The following ERC2 variants were observed in gnomAD, a reference collection of about 807,000 sequenced individuals.
ERC2 encodes the protein ERC protein 2.
ERC2 carries 42 observed loss-of-function variants against 114.8 expected under a neutral mutation model. The ratio of observed to expected loss-of-function variants is 0.37; its 90% CI spans 0.29 to 0.47. The LOEUF (loss-of-function observed/expected upper bound fraction) is 0.47, where lower values mean the gene tolerates loss of function less well. Among genes scored for constraint, ERC2 ranks in the 20% least tolerant of loss-of-function variants. The pLI is 0.99. For missense variants in ERC2, 939 were observed against 1,150.7 expected (o/e 0.82, Z 2.66); for synonymous variants, 454 against 425.5 (o/e 1.07, Z -0.82).
chr3:56,393,379 A>G (rs1000480990), intron 2 of ERC2, among the ~76,000 whole-genome samples: 1 of 152,214 alleles, frequency 6.6e-6, no homozygotes, highest in Non-Finnish European at 1.5e-5. Flanking sequence ...CCTGGGCAAC[A>G]GAGAGAGACT....
intron 3 of ERC2, among the ~76,000 whole-genome samples, chr3:56,292,975 T>C (rs1398394708): frequency 6.6e-6 from 1 of 152,234 alleles, no homozygotes; most frequent in Non-Finnish European, 1.5e-5. Context: ...AATTGTCATC[T>C]ATTTTCCCCC....
At chr3:56,450,614 G>A (rs1049427285) in intron 1 of ERC2, among the ~76,000 whole-genome samples, 3 of 152,094 alleles carry the variant, frequency 2.0e-5, no homozygotes, top group Non-Finnish European at 2.9e-5. Context: ...ATCACTTCAG[G>A]CCAGGAGTTT....
chr3:55,638,583 CAA>C (rs1211739041), intron 17 of ERC2, among the ~76,000 whole-genome samples: 1 of 152,122 alleles, frequency 6.6e-6, no homozygotes, highest in Non-Finnish European at 1.5e-5. Context: ...AGAGATTCCC[CAA>C]AGAGTCACGT....
chr3:56,449,920 G>A (rs2062755431), intron 1 of ERC2, among the ~76,000 whole-genome samples: 1 of 152,162 alleles, frequency 6.6e-6, no homozygotes, highest in Non-Finnish European at 1.5e-5. Flanking sequence ...CAGACACTTT[G>A]GAGTCAAACT....
intron 14 of ERC2, among the ~76,000 whole-genome samples, chr3:55,843,408 A>G (rs1316206153): frequency 6.6e-6 from 1 of 152,214 alleles, no homozygotes; most frequent in Non-Finnish European, 1.5e-5. Context: ...ACATCAGATC[A>G]TATGAGACTG....
chr3:55,583,504 C>A (rs2057404562), intron 17 of ERC2, among the ~76,000 whole-genome samples: 1 of 45,366 alleles, frequency 2.2e-5, no homozygotes, highest in South Asian at 1.6e-3. Flanking sequence ...TCCTTCCCTC[C>A]CTCCCTCCCT....
chr3:55,851,785 A>G (rs1333633499), intron 14 of ERC2, among the ~76,000 whole-genome samples: 5 of 152,034 alleles, frequency 3.3e-5, no homozygotes, highest in African/African-American at 1.2e-4. Context: ...TTTGGATCAC[A>G]TGGGTGTCAC....
intron 14 of ERC2, among the ~76,000 whole-genome samples, chr3:55,792,159 T>C (rs1321594316): frequency 6.6e-6 from 1 of 152,218 alleles, no homozygotes; most frequent in Non-Finnish European, 1.5e-5. Flanking sequence ...GCATAATTCA[T>C]GGCTAAACCA....
chr3:55,963,289 T>C (rs1035505753), intron 12 of ERC2, among the ~76,000 whole-genome samples: 2 of 152,232 alleles, frequency 1.3e-5, no homozygotes, highest in African/African-American at 2.4e-5. Flanking sequence ...ATTTGTATTG[T>C]ATTTCACATC....
At chr3:56,257,320 C>A (rs1276527462) in intron 3 of ERC2, among the ~76,000 whole-genome samples, 1 of 152,092 alleles carries the variant, frequency 6.6e-6, no homozygotes, top group Admixed American at 6.5e-5. Context: ...AGTAAAGTGG[C>A]AAAATATTTC....
intron 2 of ERC2, among the ~76,000 whole-genome samples, chr3:56,372,603 T>C (rs1014605208): frequency 3.3e-5 from 5 of 152,048 alleles, no homozygotes; most frequent in Admixed American, 6.6e-5. Context: ...ATCGCGTGCC[T>C]GTTGTCCCCC....
intron 17 of ERC2, among the ~76,000 whole-genome samples, chr3:55,515,199 G>A (rs576253293): frequency 1.6e-4 from 24 of 152,124 alleles, no homozygotes; most frequent in Non-Finnish European, 3.1e-4. Flanking sequence ...AAAGATGTCC[G>A]TCCACAACTT....
intron 17 of ERC2, among the ~76,000 whole-genome samples, chr3:55,528,259 G>C (rs1168858264): frequency 6.6e-6 from 1 of 152,182 alleles, no homozygotes; most frequent in Non-Finnish European, 1.5e-5. Context: ...GGAAATGAAG[G>C]CACAACCAAG....
At position 55,785,174 on chromosome 3, in the gene ERC2, G is replaced by A. The variant is rs543380298; in HGVS notation, c.2565-50256C>T. Among the ~76,000 whole-genome samples the A allele has an allele frequency of 7.2e-5, 11 of 152,328 alleles. No individual in the cohort carries two copies. The South Asian group carries it at 1.7e-3, about 23-fold the overall frequency. ...GACTGAAAGAATTACCCGAAGGCAA[G>A]ATAATTCAGGGTACACAAGGAAAAC... is the stretch of plus-strand genomic sequence containing the variant. On this transcript the variant is annotated intron_variant, in intron 14 of 17. Coordinates refer to ENST00000288221, the MANE Select transcript of ERC2 (RefSeq NM_015576.3).
rs923351488 is a variant in ERC2, at chr3:56,411,459, G to A, written c.657+22892C>T. Among the ~76,000 whole-genome samples, 5 of 151,882 alleles carry A rather than the reference G, an allele frequency of 3.3e-5. No homozygotes were observed. In the South Asian group the frequency reaches 1.0e-3, roughly 32 times the overall value. On this transcript the variant is annotated intron_variant, in intron 2 of 17. Transcript: ENST00000288221. The stretch of plus-strand genomic sequence containing the variant: ...AATCCTCACATTTCAGACACATTTA[G>A]ATACCCTAATTTAAAATATGGTGGA...
chr3:56,214,080 T>G (rs1296362726), intron 3 of ERC2, among the ~76,000 whole-genome samples: 1 of 152,016 alleles, frequency 6.6e-6, no homozygotes, highest in Non-Finnish European at 1.5e-5. Context: ...AACTGTAAAT[T>G]CTAAAACTCA....
intron 3 of ERC2, among the ~76,000 whole-genome samples, chr3:56,239,078 G>A (rs1311012091): frequency 6.6e-6 from 1 of 152,142 alleles, no homozygotes; most frequent in African/African-American, 2.4e-5. Flanking sequence ...TGTGGCATAA[G>A]AATCACAGTT....
intron 3 of ERC2, among the ~76,000 whole-genome samples, chr3:56,185,529 C>T (rs1223129705): frequency 6.6e-6 from 1 of 152,126 alleles, no homozygotes; most frequent in Non-Finnish European, 1.5e-5. Flanking sequence ...GACAATGGGA[C>T]TTTTGAACTG....
At chr3:56,056,164 G>T (rs2076003479) in intron 7 of ERC2, among the ~76,000 whole-genome samples, 1 of 152,114 alleles carries the variant, frequency 6.6e-6, no homozygotes. Flanking sequence ...CTTAACCTTT[G>T]CCATGTGACA....
Sources: gnomAD v4.1 joint callset for allele counts (sites outside exome capture counted in the v4.1 genomes callset) on GRCh38, gnomAD v4.1.1 for gene constraint, MANE v1.5 for transcripts, NCBI Gene and HGNC (gene_info 2026-07-23, HGNC 2026-07-21) for gene names.